Variants in AMOT observed in about 807,000 individuals in gnomAD.
AMOT encodes angiomotin.
A neutral mutation model predicts 67.0 loss-of-function variants in AMOT; 11 were observed. That is an observed-to-expected ratio of 0.16 (90% CI 0.10 to 0.27). The LOEUF (loss-of-function observed/expected upper bound fraction) is 0.27, where lower values mean the gene tolerates loss of function less well. Among genes scored for constraint, AMOT ranks in the 10% least tolerant of loss-of-function variants. The pLI is 1.00. For missense variants in AMOT, 753 were observed against 852.0 expected (o/e 0.88, Z 1.45); for synonymous variants, 326 against 321.4 (o/e 1.01, Z -0.15).
intron 4 of AMOT, 83 bp from the exon 5 acceptor site, chrX:112,815,960 G>T (rs751635012): frequency 1.8e-6 from 2 of 1,102,295 alleles, no homozygotes; most frequent in South Asian, 2.3e-5. Context: ...GAGATGAGGA[G>T]GCTTCTGATG....
intron 3 of AMOT, 109 bp downstream of exon 3, chrX:112,824,963 C>T (rs1217126416): frequency 9.1e-6 from 1 of 110,050 alleles, no homozygotes; most frequent in African/African-American, 3.3e-5. Context: ...GTATACCACC[C>T]CCTCCCACGT....
intron 8 of AMOT, among the ~76,000 whole-genome samples, chrX:112,800,766 G>A (rs1476810212): frequency 8.9e-6 from 1 of 111,947 alleles, no homozygotes; most frequent in African/African-American, 3.2e-5. Flanking sequence ...GAGTAAAACG[G>A]TATGAATTTA....
intron 8 of AMOT, 32 bp downstream of exon 8, chrX:112,804,915 C>G (rs1487462026): frequency 2.5e-6 from 3 of 1,188,816 alleles, no homozygotes; most frequent in Non-Finnish European, 3.4e-6. Flanking sequence ...CCTCCCACCC[C>G]CAGGCTCATA....
Position 112,834,434 on chromosome X carries a change from T to C in AMOT, c.-288-2064A>G, listed in dbSNP as rs760123394. Among the ~76,000 whole-genome samples the C allele has an allele frequency of 4.5e-5, 5 of 111,685 alleles. No individual in the cohort carries two copies. In the East Asian group the frequency reaches 8.4e-4, roughly 19 times the overall value. On this transcript the variant is annotated intron_variant, in intron 1 of 13. Coordinates refer to ENST00000371959, the MANE Select transcript of AMOT (RefSeq NM_001113490.2). Reference sequence around the variant, plus strand: ...GATCAGTATCAATGCCTAAGGTTGATAGGGGGGCGGCACAGTTATTGTGAT... The same window carrying C: ...GATCAGTATCAATGCCTAAGGTTGACAGGGGGGCGGCACAGTTATTGTGAT...
At chrX:112,813,144 T>C (rs937150574) in intron 5 of AMOT, among the ~76,000 whole-genome samples, 3 of 112,411 alleles carry the variant, frequency 2.7e-5, no homozygotes, top group African/African-American at 9.7e-5. Flanking sequence ...ATGCAACACC[T>C]AGAAGGTAGT....
intron 4 of AMOT, chrX:112,819,520 G>A: frequency 8.2e-6 from 3 of 367,780 alleles, no homozygotes; most frequent in Non-Finnish European, 1.0e-5. Flanking sequence ...ACAATTGAAA[G>A]GAGGTGGCTG....
chrX:112,840,714 GAA>G lies in AMOT; in HGVS notation c.-553_-552del, dbSNP rs1326869980. ...GGAGAGAACTAAGAGAAGAGGAGGCGAAAGAGAGCGGAGATGGAGGAGTAATT... is the reference window on the plus strand; with the variant it reads ...GGAGAGAACTAAGAGAAGAGGAGGCGAGAGAGCGGAGATGGAGGAGTAATT... On this transcript the variant is annotated 5_prime_UTR_variant, in exon 1 of 14. Coordinates refer to ENST00000371959, the MANE Select transcript of AMOT (RefSeq NM_001113490.2). 8.8e-6 allele frequency: 1 copy of G among 113,305 alleles called. No individual in the cohort carries two copies. Among genetic ancestry groups the G allele is most frequent in the East Asian group, 2.8e-4 (1 of 3,597 alleles). 9.3% of individuals were successfully genotyped at this position (113,305 alleles called of 1,213,427 possible).
At chrX:112,837,244 C>A (rs765843404) in intron 1 of AMOT, among the ~76,000 whole-genome samples, 9 of 112,364 alleles carry the variant, frequency 8.0e-5, no homozygotes, top group Non-Finnish European at 1.3e-4. Context: ...ATGATTTAGA[C>A]AATTAACTAA....
intron 5 of AMOT, among the ~76,000 whole-genome samples, chrX:112,814,063 G>A (rs983889939): frequency 8.1e-5 from 9 of 110,702 alleles, no homozygotes; most frequent in Admixed American, 2.9e-4. Context: ...ACCTGAGGTC[G>A]GGAGTTCGAG....
intron 1 of AMOT, among the ~76,000 whole-genome samples, chrX:112,832,939 C>A (rs1935030674): frequency 9.0e-6 from 1 of 111,703 alleles, no homozygotes; most frequent in African/African-American, 3.3e-5. Context: ...GAAGGCAGCC[C>A]CTCCTCCTCC....
At chrX:112,790,934 C>T (rs1933551650) in intron 9 of AMOT, 152 bp from the exon 10 acceptor site, 1 of 471,237 alleles carries the variant, frequency 2.1e-6, no homozygotes, top group Non-Finnish European at 3.2e-6. Flanking sequence ...CCTCCCAGGG[C>T]CACAGGACTT....
Position 112,815,462 on chromosome X carries a change from T to C in AMOT, c.1288A>G (p.Ile430Val), listed in dbSNP as rs1209174332. Residue 430 changes from isoleucine (I) to valine (V), a missense_variant, in exon 5 of 14, where the codon ATT becomes GTT. Coordinates refer to ENST00000371959, the MANE Select transcript of AMOT (RefSeq NM_001113490.2). ...ACCATCTGCTGGGCTCTGGAAACAA[T>C]GGCAAAAGGGTCTGCTGGCACTGGC... is the stretch of plus-strand genomic sequence containing the variant. Reference protein sequence around the residue: ...YQPVPADPFAIVSRAQQMVEI... With the variant: ...YQPVPADPFAVVSRAQQMVEI... 17 of 1,211,558 alleles carry C rather than the reference T, an allele frequency of 1.4e-5. No homozygotes were observed. Among genetic ancestry groups the C allele is most frequent in the South Asian group, 3.5e-5 (2 of 56,930 alleles).
chrX:112,822,702 C>T lies in AMOT; in HGVS notation c.425G>A (p.Arg142Lys), dbSNP rs187413230. 1 of 1,164,210 alleles carries T rather than the reference C, an allele frequency of 8.6e-7. No homozygotes were observed. The highest frequency in any genetic ancestry group is 2.6e-5 in the Admixed American group (1 of 38,320). Residue 142 changes from arginine to lysine, a missense_variant, in exon 4 of 14, where the codon AGG becomes AAG. Physicochemically the swap from Arg to Lys is conservative, Grantham distance 26. This residue lies in a region of AMOT where 118 missense variants were observed against 125.9 expected (regional missense o/e 0.94). Transcript: ENST00000371959. The part of the protein sequence containing the change: ...YVTGVTNQKM[R>K]TEGRPSVQRL... ...CTGAACTGATGGGCGTCCCTCAGTC[C>T]TCATCTTCTGGTTGGTGACTCCAGT...
intron 2 of AMOT, among the ~76,000 whole-genome samples, chrX:112,828,566 C>A: frequency 9.5e-6 from 1 of 105,027 alleles, no homozygotes; most frequent in Non-Finnish European, 2.0e-5. Context: ...TTTTGAAAAA[C>A]AAAAACAAAA....
At position 112,822,296 on chromosome X, in the gene AMOT, T is replaced by G; in HGVS notation, c.831A>C (p.Gln277His). ...RLNQPGRTEGQLMRYQHPPEY... is the reference protein window; with the variant it reads ...RLNQPGRTEGHLMRYQHPPEY... The stretch of plus-strand genomic sequence containing the variant: ...CAGGGGGATGCTGATACCTCATCAG[T>G]TGCCCCTCTGTTCTCCCTGGCTGGT... The change falls in exon 4 of 14, where the codon CAA becomes CAC. Residue 277 changes from glutamine (Q) to histidine (H), a missense_variant. Around this residue, in one of 5 missense-constraint regions of AMOT, gnomAD observed 297 missense variants for 284.3 expected, o/e 1.04. Transcript: ENST00000371959. The G allele has an allele frequency of 8.9e-7, 1 of 1,117,938 alleles. No homozygotes were observed. The allele number at this position is 1,117,938 out of a possible 1,213,427, so 92.1% of individuals were successfully genotyped here.
Position 112,815,835 on chromosome X carries a change from C to T in AMOT, c.915G>A (p.Ser305=), listed in dbSNP as rs1001095332. ...DISLPLSARN[S]QPHSPTSSLT... ...GAGAAGAAGTAGGGCTGTGAGGCTG[C>T]GAGTTCCTGGCTGACAATGGCAATG... Residue 305 remains serine (S), a synonymous_variant, in exon 5 of 14, where the codon TCG becomes TCA. Coordinates refer to ENST00000371959, the MANE Select transcript of AMOT (RefSeq NM_001113490.2). 3.4e-6 allele frequency: 4 copies of T among 1,166,636 alleles called. No homozygotes were observed. Among genetic ancestry groups the T allele is most frequent in the South Asian group, 3.8e-5 (2 of 52,595 alleles).
rs765502084 is a variant in AMOT, at chrX:112,811,461, A to C, written c.1393-68T>G. 9 of 1,138,010 alleles carry C rather than the reference A, an allele frequency of 7.9e-6. No homozygotes were observed. In the South Asian group the frequency reaches 7.9e-5, roughly 10 times the overall value. 93.8% of individuals were successfully genotyped at this position (1,138,010 alleles called of 1,213,427 possible). A position where few individuals can be genotyped will look rare whatever the true frequency, so the allele number is the denominator to read the frequency against. On this transcript the variant is annotated intron_variant, in intron 5 of 13. Transcript: ENST00000371959. ...GATGGGGAAAATGGTCTGAAAACAA[A>C]CAGGCAAATCCTCGCTGACAGCTTC... is the stretch of plus-strand genomic sequence containing the variant.
In AMOT at chrX:112,831,895, T is replaced by A. The variant is rs756183616; in HGVS notation, c.-212+399A>T. Among the ~76,000 whole-genome samples the A allele has an allele frequency of 1.2e-3, 136 of 110,695 alleles. 2 individuals carry two copies. Among genetic ancestry groups the A allele is most frequent in the African/African-American group, 4.3e-3 (132 of 30,362 alleles). On this transcript the variant is annotated intron_variant, in intron 2 of 13. Coordinates refer to ENST00000371959, the MANE Select transcript of AMOT (RefSeq NM_001113490.2). ...AATGTGGGAGGGAAAGAAATTCCTT[T>A]ATTTATCCCGATGGCCTTTCCTCCC...
At position 112,785,617 on chromosome X, in the gene AMOT, T is replaced by C. The variant is rs150547519; in HGVS notation, c.2118-2955A>G. ...AAATTATTAGAGCTTTCCAAGGGAATAAAATGATCTAAGCCATGCCTTAGG... is the reference window on the plus strand; with the variant it reads ...AAATTATTAGAGCTTTCCAAGGGAACAAAATGATCTAAGCCATGCCTTAGG... On this transcript the variant is annotated intron_variant, in intron 10 of 13. Transcript: ENST00000371959. 7.3e-3 allele frequency among the ~76,000 whole-genome samples: 820 copies of C among 111,980 alleles called. 4 individuals are homozygous for C. The highest frequency in any genetic ancestry group is 0.014 in the Middle Eastern group (3 of 219).
Sources: allele counts gnomAD v4.1 joint callset (sites outside exome capture counted in the v4.1 genomes callset), GRCh38; gene constraint gnomAD v4.1.1; regional missense constraint gnomAD v4.1.1; transcripts MANE v1.5; gene names NCBI Gene and HGNC (gene_info 2026-07-23, HGNC 2026-07-21).